Variants in ADAMTS2 observed in about 807,000 individuals in gnomAD.
The protein encoded by ADAMTS2 is ADAM metallopeptidase with thrombospondin type 1 motif 2, also known as A disintegrin and metalloproteinase with thrombospondin motifs 2.
A neutral mutation model predicts 123.0 loss-of-function variants in ADAMTS2; 50 were observed. That is an observed-to-expected ratio of 0.41 (90% confidence interval 0.32 to 0.51). ADAMTS2 has a LOEUF of 0.51. Ranked by LOEUF, ADAMTS2 falls within the 20% of genes least tolerant of loss-of-function variation. The pLI is 0.35. For synonymous variants in ADAMTS2, 678 were observed against 695.4 expected, an observed-to-expected ratio of 0.98 and a Z score of 0.39; for missense variants, 1,494 against 1,705.2, an observed-to-expected ratio of 0.88 and a Z score of 2.18.
Position 179,155,297 on chromosome 5 carries a change from C to T in ADAMTS2, c.1133-378G>A, listed in dbSNP as rs2113255720. The stretch of plus-strand genomic sequence containing the variant: ...CCCTGCCTGCCTCACTGAGTGGCCC[C>T]TGAGCAGCACCTGCTTCCACACCTC... On this transcript the variant is annotated intron_variant, in intron 6 of 21. Coordinates refer to ENST00000251582, the MANE Select transcript of ADAMTS2 (RefSeq NM_014244.5). This position sits in a 1 kb window ranked among gnomAD's most constrained non-coding sequence, Gnocchi z 5.1. Among the ~76,000 whole-genome samples the T allele has an allele frequency of 6.6e-6, 1 of 152,344 alleles. No homozygotes were observed. Among genetic ancestry groups the T allele is most frequent in the East Asian group, 1.9e-4 (1 of 5,184 alleles).
chr5:179,299,687 G>C (rs950568542), intron 2 of ADAMTS2, among the ~76,000 whole-genome samples: 1 of 151,768 alleles, frequency 6.6e-6, no homozygotes, highest in Non-Finnish European at 1.5e-5. Flanking sequence ...TTTTTTTCCA[G>C]CTTTTAGAGG....
chr5:179,165,565 G>T (rs763099871), intron 5 of ADAMTS2, among the ~76,000 whole-genome samples: 1 of 152,184 alleles, frequency 6.6e-6, no homozygotes, highest in African/African-American at 2.4e-5. Context: ...CTCTGCAAAG[G>T]GGGTGGCTGC....
At chr5:179,167,786 T>C (rs1220099884) in intron 5 of ADAMTS2, among the ~76,000 whole-genome samples, 1 of 152,220 alleles carries the variant, frequency 6.6e-6, no homozygotes, top group Non-Finnish European at 1.5e-5. Context: ...TGGGCACAAC[T>C]GCAGCTCCGA....
At chr5:179,187,227 G>A (rs1269218102) in intron 4 of ADAMTS2, among the ~76,000 whole-genome samples, 1 of 152,200 alleles carries the variant, frequency 6.6e-6, no homozygotes, top group Non-Finnish European at 1.5e-5. Flanking sequence ...GAAAGAGGCA[G>A]TGACCTCCTT....
At chr5:179,255,138 G>A (rs1028014836) in intron 3 of ADAMTS2, among the ~76,000 whole-genome samples, 1 of 152,166 alleles carries the variant, frequency 6.6e-6, no homozygotes, top group Non-Finnish European at 1.5e-5. Flanking sequence ...ATGGATGAAT[G>A]AGTGGGTAGA....
At chr5:179,204,040 G>A (rs181737092) in intron 4 of ADAMTS2, among the ~76,000 whole-genome samples, 1 of 152,332 alleles carries the variant, frequency 6.6e-6, no homozygotes, top group African/African-American at 2.4e-5. Flanking sequence ...TCTTACACAT[G>A]CTGCAATGTG....
intron 3 of ADAMTS2, among the ~76,000 whole-genome samples, chr5:179,218,278 C>T (rs930999592): frequency 1.4e-4 from 21 of 152,218 alleles, no homozygotes; most frequent in African/African-American, 2.2e-4. Flanking sequence ...GGGAGGTCAA[C>T]GGGAACAAGG....
chr5:179,231,352 T>C (rs1765408444), intron 3 of ADAMTS2, among the ~76,000 whole-genome samples: 1 of 152,198 alleles, frequency 6.6e-6, no homozygotes. Flanking sequence ...CATGTGGCAC[T>C]GTGCACTTCG....
chr5:179,233,997 TA>T (rs748295801), intron 3 of ADAMTS2, among the ~76,000 whole-genome samples: 1 of 152,110 alleles, frequency 6.6e-6, no homozygotes, highest in African/African-American at 2.4e-5. Flanking sequence ...GTGGTGTCAC[TA>T]AACACCTGGT....
rs1762608285 is a variant in ADAMTS2, at chr5:179,113,552, C to T, written c.*315G>A. ...CCAATCACTGCTTAGCAACTTGGGG[C>T]CTATTTTTGTTCTCTCAGAGTGATC... On this transcript the variant is annotated 3_prime_UTR_variant, in exon 22 of 22. Transcript: ENST00000251582. 2 of 392,358 alleles carry T rather than the reference C, an allele frequency of 5.1e-6. No individual in the cohort carries two copies. The highest frequency in any genetic ancestry group is 4.1e-5 in the African/African-American group (2 of 49,310). 24.3% of individuals were successfully genotyped at this position (392,358 alleles called of 1,614,324 possible).
At position 179,128,254 on chromosome 5, in the gene ADAMTS2, C is replaced by T. The variant is rs552460036; in HGVS notation, c.2458-136G>A. On this transcript the variant is annotated intron_variant, in intron 16 of 21. Coordinates refer to ENST00000251582, the MANE Select transcript of ADAMTS2 (RefSeq NM_014244.5). This position sits in a 1 kb window ranked among gnomAD's most constrained non-coding sequence, Gnocchi z 4.9. Reference sequence around the variant, plus strand: ...GCAGTTACATTCCATGAAGTCGCCCCGAGCACCAAATTCTTGAATAGGGAG... The same window carrying T: ...GCAGTTACATTCCATGAAGTCGCCCTGAGCACCAAATTCTTGAATAGGGAG... 16 of 1,115,678 alleles carry T rather than the reference C, an allele frequency of 1.4e-5. No homozygotes were observed. The Admixed American group carries it at 2.0e-4, about 14-fold the overall frequency. The allele number at this position is 1,115,678 out of a possible 1,614,324, so 69.1% of individuals were successfully genotyped here.
Position 179,307,897 on chromosome 5 carries a change from C to T in ADAMTS2, c.535-34833G>A, listed in dbSNP as rs548143916. On this transcript the variant is annotated intron_variant, in intron 2 of 21. Transcript: ENST00000251582. This position sits in a 1 kb window ranked among gnomAD's most constrained non-coding sequence, Gnocchi z 5.6. The stretch of plus-strand genomic sequence containing the variant: ...TTTTGTAACACCATTTCCCAATCAT[C>T]GACACGTGGGTTCTTTATTGGGTCA... Among the ~76,000 whole-genome samples the T allele has an allele frequency of 1.4e-4, 21 of 152,278 alleles. No individual in the cohort carries two copies. The South Asian group carries it at 4.1e-3, about 30-fold the overall frequency.
rs1561719544 is a variant in ADAMTS2, at chr5:179,307,718, G to A, written c.535-34654C>T. On this transcript the variant is annotated intron_variant, in intron 2 of 21. Transcript: ENST00000251582. The surrounding 1 kb of genome is among the most constrained non-coding windows in gnomAD (Gnocchi z 5.6). Reference sequence around the variant, plus strand: ...TGTGTCCTTGGCACACTTCAACTCAGCACCTGCCTCAGGGCCTTTGCACCT... The same window carrying A: ...TGTGTCCTTGGCACACTTCAACTCAACACCTGCCTCAGGGCCTTTGCACCT... Among the ~76,000 whole-genome samples, 3 of 152,076 alleles carry A rather than the reference G, an allele frequency of 2.0e-5. No individual in the cohort carries two copies. Among genetic ancestry groups the A allele is most frequent in the African/African-American group, 4.8e-5 (2 of 41,384 alleles).
chr5:179,333,309 A>G (rs1354502387), intron 2 of ADAMTS2, among the ~76,000 whole-genome samples: 1 of 152,216 alleles, frequency 6.6e-6, no homozygotes, highest in East Asian at 1.9e-4. Flanking sequence ...GTCACAGGCC[A>G]GCAAGAGAAG....
intron 6 of ADAMTS2, among the ~76,000 whole-genome samples, chr5:179,157,033 G>A (rs1166694150): frequency 4.9e-5 from 7 of 142,112 alleles, no homozygotes; most frequent in African/African-American, 1.3e-4. Context: ...GCACAATCTC[G>A]GCTCACTGCA....
intron 5 of ADAMTS2, among the ~76,000 whole-genome samples, chr5:179,161,941 A>C (rs1435084506): frequency 6.6e-6 from 1 of 152,200 alleles, no homozygotes; most frequent in Non-Finnish European, 1.5e-5. Context: ...AAGGTCACTA[A>C]TAAGCGCTTT....
intron 2 of ADAMTS2, among the ~76,000 whole-genome samples, chr5:179,319,014 CCT>C (rs1273005864): frequency 6.6e-6 from 1 of 152,220 alleles, no homozygotes; most frequent in Non-Finnish European, 1.5e-5. Context: ...TTCACACAGC[CCT>C]GTTATGACTG....
At chr5:179,211,697 T>C (rs1684657011) in intron 3 of ADAMTS2, among the ~76,000 whole-genome samples, 1 of 152,132 alleles carries the variant, frequency 6.6e-6, no homozygotes, top group African/African-American at 2.4e-5. Context: ...TCCAGGGAAT[T>C]CCATCAGGGG....
intron 2 of ADAMTS2, among the ~76,000 whole-genome samples, chr5:179,278,762 G>T (rs777462033): frequency 6.6e-6 from 1 of 151,948 alleles, no homozygotes; most frequent in Non-Finnish European, 1.5e-5. Context: ...CACCGCAGGG[G>T]CCCAGAGCCT....
Sources: allele counts gnomAD v4.1 joint callset (sites outside exome capture counted in the v4.1 genomes callset), GRCh38; gene constraint gnomAD v4.1.1; non-coding constraint Gnocchi (gnomAD v3.1); transcripts MANE v1.5; gene names NCBI Gene and HGNC (gene_info 2026-07-23, HGNC 2026-07-21).